HS6ST3: variants seen among roughly 807,000 people sequenced by gnomAD.
HS6ST3 encodes the protein heparan-sulfate 6-O-sulfotransferase 3.
HS6ST3 carries 12 observed loss-of-function variants against 36.7 expected under a neutral mutation model. The observed-to-expected ratio is 0.33, with a 90% CI of 0.21 to 0.53. The LOEUF (loss-of-function observed/expected upper bound fraction) is 0.53. Ranked by LOEUF, HS6ST3 falls within the 20% of genes least tolerant of loss-of-function variation. The probability of loss-of-function intolerance (pLI) is 0.95; values close to 1 mark genes in which losing one functional copy is unlikely to be tolerated. For missense variants in HS6ST3, 584 were observed against 640.9 expected (o/e 0.91, Z 0.96); for synonymous variants, 240 against 257.5 (o/e 0.93, Z 0.65).
At chr13:96,555,292 G>A (rs1055996463) in intron 1 of HS6ST3, among the ~76,000 whole-genome samples, 8 of 152,026 alleles carry the variant, frequency 5.3e-5, no homozygotes, top group Middle Eastern at 3.2e-3. Flanking sequence ...ACGTCATGTT[G>A]TACACTATAA....
intron 1 of HS6ST3, among the ~76,000 whole-genome samples, chr13:96,138,691 C>T (rs1256884800): frequency 6.6e-6 from 1 of 151,848 alleles, no homozygotes; most frequent in Non-Finnish European, 1.5e-5. Context: ...ATTTGTAGAG[C>T]TTGGTTAAGT....
intron 1 of HS6ST3, among the ~76,000 whole-genome samples, chr13:96,671,655 G>C (rs2056683104): frequency 6.6e-6 from 1 of 152,036 alleles, no homozygotes; most frequent in Non-Finnish European, 1.5e-5. Context: ...CTTACAGATG[G>C]CCTTCATGTT....
In HS6ST3 at chr13:96,800,749, TC is replaced by T. The variant is rs574326323; in HGVS notation, c.708-31736del. On this transcript the variant is annotated intron_variant, in intron 1 of 1. Transcript: ENST00000376705. ...GAATGCCAGATATCTCACCACTAGC[TC>T]CCCCTTCTCAAGAACTTTACTCCCA... Among the ~76,000 whole-genome samples the T allele has an allele frequency of 8.6e-5, 13 of 151,750 alleles. No homozygotes were observed. The South Asian group carries it at 2.7e-3, about 32-fold the overall frequency.
chr13:96,100,155 T>C (rs554258438), intron 1 of HS6ST3, among the ~76,000 whole-genome samples: 26 of 151,746 alleles, frequency 1.7e-4, no homozygotes, highest in African/African-American at 6.0e-4. Context: ...ATATTGAACA[T>C]AGAAGACAGA....
rs763874229 is a variant in HS6ST3, at chr13:96,229,137, A to G, written c.707+137568A>G. On this transcript the variant is annotated intron_variant, in intron 1 of 1. Coordinates refer to ENST00000376705, the MANE Select transcript of HS6ST3 (RefSeq NM_153456.4). ...AATACCAAAAAGTGAAATTAATTAT[A>G]TACTTAGTTTGAATGCCATGGTTTA... Among the ~76,000 whole-genome samples the G allele has an allele frequency of 9.2e-5, 14 of 152,286 alleles. No individual in the cohort carries two copies. In the South Asian group the frequency reaches 1.9e-3, roughly 20 times the overall value.
At chr13:96,494,566 T>C (rs1263618851) in intron 1 of HS6ST3, among the ~76,000 whole-genome samples, 1 of 148,234 alleles carries the variant, frequency 6.7e-6, no homozygotes, top group Admixed American at 6.7e-5. Context: ...AGAACCACGA[T>C]GTACCTACTT....
chr13:96,684,857 C>T (rs993137362), intron 1 of HS6ST3, among the ~76,000 whole-genome samples: 1 of 152,030 alleles, frequency 6.6e-6, no homozygotes, highest in African/African-American at 2.4e-5. Context: ...CATTTAAGAG[C>T]TGCTTCCCAG....
intron 1 of HS6ST3, among the ~76,000 whole-genome samples, chr13:96,552,682 TG>T (rs575023002): frequency 3.9e-4 from 60 of 152,206 alleles, no homozygotes; most frequent in African/African-American, 1.4e-3. Context: ...TGGTGGAGCT[TG>T]GCAGCAGTTT....
chr13:96,238,605 C>A (rs535754514), intron 1 of HS6ST3, among the ~76,000 whole-genome samples: 2 of 152,304 alleles, frequency 1.3e-5, no homozygotes, highest in East Asian at 3.9e-4. Context: ...TTCTCTAGCA[C>A]AGTACCATTT....
At chr13:96,751,742 G>T (rs977918990) in intron 1 of HS6ST3, among the ~76,000 whole-genome samples, 6 of 151,440 alleles carry the variant, frequency 4.0e-5, no homozygotes, top group Admixed American at 1.3e-4. Context: ...ATTTTCAGTG[G>T]CTTGTGTGTA....
intron 1 of HS6ST3, among the ~76,000 whole-genome samples, chr13:96,831,061 C>G (rs749779430): frequency 1.3e-5 from 2 of 152,198 alleles, no homozygotes; most frequent in Non-Finnish European, 2.9e-5. Flanking sequence ...GTAGGCTTCT[C>G]AAATCATGGA....
In HS6ST3 at chr13:96,363,377, ACAT is replaced by A. The variant is rs1452496659; in HGVS notation, c.707+271812_707+271814del. ...AAAGAAGTTGACCCAGAAGTGGCAC[ACAT>A]CATTTCCTAAGCCTTCATTGACAGG... is the stretch of plus-strand genomic sequence containing the variant. On this transcript the variant is annotated intron_variant, in intron 1 of 1. Transcript: ENST00000376705. Among the ~76,000 whole-genome samples, 4 of 152,058 alleles carry A rather than the reference ACAT, an allele frequency of 2.6e-5. No individual in the cohort carries two copies. The East Asian group carries it at 5.8e-4, about 22-fold the overall frequency.
At chr13:96,121,867 T>A (rs886978390) in intron 1 of HS6ST3, among the ~76,000 whole-genome samples, 1 of 152,118 alleles carries the variant, frequency 6.6e-6, no homozygotes, top group African/African-American at 2.4e-5. Flanking sequence ...TAATTATTGC[T>A]TTATATACTG....
intron 1 of HS6ST3, among the ~76,000 whole-genome samples, chr13:96,406,486 C>G (rs961356770): frequency 9.9e-5 from 15 of 152,182 alleles, no homozygotes; most frequent in African/African-American, 3.1e-4. Context: ...ATGTATTCAT[C>G]TTGCATTGGA....
At chr13:96,207,180 A>G (rs1455317085) in intron 1 of HS6ST3, among the ~76,000 whole-genome samples, 2 of 152,150 alleles carry the variant, frequency 1.3e-5, no homozygotes, top group Non-Finnish European at 2.9e-5. Context: ...GAAGACATAC[A>G]TGTGGCCAAC....
At chr13:96,460,707 AC>A (rs1448892839) in intron 1 of HS6ST3, among the ~76,000 whole-genome samples, 2 of 152,208 alleles carry the variant, frequency 1.3e-5, no homozygotes, top group Non-Finnish European at 2.9e-5. Context: ...ACTTCAGATA[AC>A]AGAGGCTTTA....
chr13:96,241,654 G>A (rs775735136), intron 1 of HS6ST3, among the ~76,000 whole-genome samples: 53 of 149,916 alleles, frequency 3.5e-4, no homozygotes, highest in African/African-American at 9.3e-4. Flanking sequence ...GCAGAGATGT[G>A]TGATAAGGTA....
intron 1 of HS6ST3, among the ~76,000 whole-genome samples, chr13:96,586,129 T>C (rs979713992): frequency 6.6e-6 from 1 of 152,190 alleles, no homozygotes; most frequent in Non-Finnish European, 1.5e-5. Context: ...TTAGGACTTT[T>C]GCTAGTATTA....
intron 1 of HS6ST3, among the ~76,000 whole-genome samples, chr13:96,119,022 T>C (rs2053912467): frequency 6.6e-6 from 1 of 152,082 alleles, no homozygotes; most frequent in Admixed American, 6.5e-5. Context: ...ATTAAAGATA[T>C]TTGCTGGAGA....
Sources: gnomAD v4.1 joint callset for allele counts (sites outside exome capture counted in the v4.1 genomes callset) on GRCh38, gnomAD v4.1.1 for gene constraint, MANE v1.5 for transcripts, NCBI Gene and HGNC (gene_info 2026-07-23, HGNC 2026-07-21) for gene names.